Variants in TTC19 observed in about 807,000 individuals in gnomAD.
TTC19 encodes the protein tetratricopeptide repeat domain 19.
Under a neutral mutation model 49.5 loss-of-function variants are expected in TTC19, and 38 were observed. That is an observed-to-expected ratio of 0.77 (90% CI 0.59 to 1.01). TTC19 has a LOEUF of 1.01. Ranked by LOEUF, TTC19 falls within the 50% of genes least tolerant of loss-of-function variation. The pLI, the probability that TTC19 is intolerant of heterozygous loss-of-function variation, is 0.00. For synonymous variants in TTC19, 204 were observed against 185.2 expected (o/e 1.10, Z -0.83); for missense variants, 475 against 477.7 (o/e 0.99, Z 0.05).
In TTC19 at chr17:16,028,998, A is replaced by G. The variant is rs759101132; in HGVS notation, c.*1476A>G. The stretch of plus-strand genomic sequence containing the variant: ...TACCATGCAGCTAATGCCGTTTACC[A>G]AGTCTAGCTCAGAGAGATAAGATAC... On this transcript the variant is annotated 3_prime_UTR_variant, in exon 10 of 10. Coordinates refer to ENST00000261647, the MANE Select transcript of TTC19 (RefSeq NM_017775.4). 2.3e-6 allele frequency: 1 copy of G among 434,182 alleles called. No homozygotes were observed. The highest frequency in any genetic ancestry group is 4.5e-6 in the Non-Finnish European group (1 of 220,528). 26.9% of individuals were successfully genotyped at this position (434,182 alleles called of 1,614,324 possible).
At chr17:16,039,451 C>G (rs1163087766) in intron 2 of TTC19, 1 of 1,613,918 alleles carries the variant, frequency 6.2e-7, no homozygotes, top group Non-Finnish European at 8.5e-7. Context: ...GGTGATGGGT[C>G]CCCTTCCTCT....
intron 7 of TTC19, chr17:16,023,232 C>T (rs1293071015): frequency 6.6e-6 from 1 of 152,176 alleles, no homozygotes; most frequent in Non-Finnish European, 1.5e-5. Flanking sequence ...GATATTATAG[C>T]TAAATTGTAC....
At chr17:16,008,780 C>T (rs1458285310) in intron 7 of TTC19, among the ~76,000 whole-genome samples, 1 of 152,076 alleles carries the variant, frequency 6.6e-6, no homozygotes, top group Non-Finnish European at 1.5e-5. Context: ...TGGCCAACTC[C>T]CGTACTTCAC....
At chr17:16,020,358 G>A (rs771254879) in intron 7 of TTC19, among the ~76,000 whole-genome samples, 4 of 151,232 alleles carry the variant, frequency 2.6e-5, no homozygotes, top group Non-Finnish European at 4.4e-5. Flanking sequence ...ATTTTTGAGG[G>A]GTTGTCTTTT....
chr17:16,008,377 T>G (rs116301080), intron 7 of TTC19, among the ~76,000 whole-genome samples: 3,724 of 152,274 alleles, frequency 0.024, 164 homozygotes, highest in African/African-American at 0.085. Context: ...ACTCATTTAG[T>G]TGCTTTGGCC....
intron 2 of TTC19, chr17:16,040,116 C>A (rs2057283605): frequency 2.0e-6 from 1 of 502,368 alleles, no homozygotes. Context: ...CCACAGATAA[C>A]TCCTTAAGGA....
Position 16,026,757 on chromosome 17 carries a change from T to C in TTC19, c.994+55T>C, listed in dbSNP as rs555050370. ...GCTTTAAGGGAGGGATGTCACTGGA[T>C]TGATAGATTTGTGAAGTGGTATGTA... On this transcript the variant is annotated intron_variant, in intron 9 of 9. Transcript: ENST00000261647. The C allele has an allele frequency of 3.0e-4, 483 of 1,588,440 alleles. 2 individuals carry two copies. Among genetic ancestry groups the C allele is most frequent in the African/African-American group, 6.7e-5 (5 of 74,402 alleles).
chr17:16,001,874 C>T, intron 2 of TTC19, 41 bp from the exon 3 acceptor site: 5 of 1,392,970 alleles, frequency 3.6e-6, no homozygotes, highest in Non-Finnish European at 5.1e-6. Context: ...TATGCATCTA[C>T]TATATGTTTC....
At chr17:16,021,633 G>C (rs1760800950) in intron 7 of TTC19, among the ~76,000 whole-genome samples, 1 of 152,072 alleles carries the variant, frequency 6.6e-6, no homozygotes. Flanking sequence ...CTATTTGTGA[G>C]GGAAAAAAAT....
At chr17:16,026,487 G>C in intron 8 of TTC19, 53 bp from the exon 9 acceptor site, 3 of 1,568,702 alleles carry the variant, frequency 1.9e-6, no homozygotes, top group Non-Finnish European at 2.6e-6. Flanking sequence ...CCACATTAAA[G>C]TTCTGTGAAG....
intron 7 of TTC19, among the ~76,000 whole-genome samples, chr17:16,013,642 T>A (rs1971139161): frequency 6.6e-6 from 1 of 152,218 alleles, no homozygotes; most frequent in African/African-American, 2.4e-5. Flanking sequence ...TCCATTCTGA[T>A]GTATTTACCT....
chr17:16,024,130 C>A (rs546414424), intron 7 of TTC19: 1 of 152,240 alleles, frequency 6.6e-6, no homozygotes, highest in Middle Eastern at 3.4e-3. Flanking sequence ...TTCTCTAGAT[C>A]TGTGTCTCCA....
chr17:16,014,101 A>T (rs944394793), intron 7 of TTC19, among the ~76,000 whole-genome samples: 18 of 152,184 alleles, frequency 1.2e-4, no homozygotes, highest in African/African-American at 4.3e-4. Context: ...AACTATAACA[A>T]TTCCCAGGAA....
chr17:16,010,405 C>T (rs1044922756), intron 7 of TTC19, among the ~76,000 whole-genome samples: 1 of 151,542 alleles, frequency 6.6e-6, no homozygotes, highest in African/African-American at 2.4e-5. Flanking sequence ...ATCTCTTGAC[C>T]TCATAATCTG....
exon 3 of TTC19, chr17:16,044,669 C>T (rs985333086): frequency 7.6e-6 from 5 of 661,842 alleles, no homozygotes; most frequent in African/African-American, 5.4e-5. Flanking sequence ...CCTCACTCTG[C>T]ATGACAATGA....
At chr17:16,024,097 AC>A (rs1971467684) in intron 7 of TTC19, 2 of 152,096 alleles carry the variant, frequency 1.3e-5, no homozygotes, top group Admixed American at 6.6e-5. Context: ...TAGAAGTCTT[AC>A]CCAGGTTGAT....
At chr17:16,026,511 GA>G (rs1748897829) in intron 8 of TTC19, 28 bp from the exon 9 acceptor site, 12 of 1,611,920 alleles carry the variant, frequency 7.4e-6, no homozygotes, top group Admixed American at 1.7e-5. Flanking sequence ...TGTTTTTAAA[GA>G]AAAAATTGTT....
At chr17:16,024,470 T>G (rs564350033) in intron 7 of TTC19, 1 of 151,626 alleles carries the variant, frequency 6.6e-6, no homozygotes, top group East Asian at 1.9e-4. Context: ...TAATTTTTTT[T>G]TTTTTTTTGT....
chr17:16,009,016 C>T (rs1378221464), intron 7 of TTC19, among the ~76,000 whole-genome samples: 2 of 149,358 alleles, frequency 1.3e-5, no homozygotes, highest in African/African-American at 5.2e-5. Flanking sequence ...GAGACTTCAT[C>T]CATTATACTC....
Sources: allele counts gnomAD v4.1 joint callset (sites outside exome capture counted in the v4.1 genomes callset), GRCh38; gene constraint gnomAD v4.1.1; transcripts MANE v1.5; gene names NCBI Gene and HGNC (gene_info 2026-07-23, HGNC 2026-07-21).